The following FMN1 variants were observed in gnomAD, a reference collection of about 807,000 sequenced individuals.
FMN1 encodes the protein formin-1.
In FMN1, 110 loss-of-function variants were observed where a neutral mutation model predicts 132.4. The observed-to-expected ratio is 0.83, with a 90% CI of 0.71 to 0.97. FMN1 has a LOEUF of 0.97. Ranked by LOEUF, FMN1 falls within the 50% of genes least tolerant of loss-of-function variation. FMN1 has a pLI of 0.00. For missense variants in FMN1, 1,792 were observed against 1,705.3 expected (o/e 1.05, Z -0.90); for synonymous variants, 722 against 651.7 (o/e 1.11, Z -1.64).
rs1281757140 is a variant in FMN1, at chr15:32,839,761, G to GA, written c.3928+17253dup. Among the ~76,000 whole-genome samples the GA allele has an allele frequency of 9.2e-3, 1,313 of 142,036 alleles. 13 individuals carry two copies. The highest frequency in any genetic ancestry group is 0.02 in the African/African-American group (774 of 38,974). 93.2% of individuals were successfully genotyped at this position (142,036 alleles called of 152,430 possible). The stretch of plus-strand genomic sequence containing the variant: ...TTCTCCTCAAAATAAGATTAGGCTT[G>GA]AAAAAAAAAAAATCAACCTCCCCAC... On this transcript the variant is annotated intron_variant, in intron 17 of 20. Transcript: ENST00000616417.
chr15:32,869,100 T>C (rs2059457064), intron 16 of FMN1, among the ~76,000 whole-genome samples: 1 of 152,120 alleles, frequency 6.6e-6, no homozygotes, highest in Admixed American at 6.5e-5. Flanking sequence ...TAAGGTGAAA[T>C]GTCATGAATA....
chr15:32,990,587 T>C (rs2033372467), intron 7 of FMN1, among the ~76,000 whole-genome samples: 1 of 152,168 alleles, frequency 6.6e-6, no homozygotes. Context: ...GGATTTCTAA[T>C]GTAAAGGATA....
intron 6 of FMN1, among the ~76,000 whole-genome samples, chr15:33,015,209 AC>A (rs2034970594): frequency 6.6e-6 from 1 of 152,146 alleles, no homozygotes; most frequent in Admixed American, 6.5e-5. Context: ...TGCAAACAAA[AC>A]CCCAAGCCTC....
chr15:33,158,825 C>T (rs1036781848), intron 3 of FMN1, among the ~76,000 whole-genome samples: 1 of 152,108 alleles, frequency 6.6e-6, no homozygotes, highest in African/African-American at 2.4e-5. Context: ...TTTCAGTATT[C>T]CAGAAAGAAG....
At chr15:33,191,464 G>T (rs1376669101) in intron 2 of FMN1, among the ~76,000 whole-genome samples, 2 of 152,188 alleles carry the variant, frequency 1.3e-5, no homozygotes, top group Non-Finnish European at 2.9e-5. Flanking sequence ...CAGTGGGGAG[G>T]TAAGGATGTC....
At chr15:32,888,691 AT>A (rs1222343749) in intron 15 of FMN1, among the ~76,000 whole-genome samples, 1 of 152,218 alleles carries the variant, frequency 6.6e-6, no homozygotes, top group African/African-American at 2.4e-5. Flanking sequence ...TCTTTGGGGC[AT>A]ACCAATGGGT....
At chr15:33,072,846 C>A (rs1391871338) in intron 5 of FMN1, among the ~76,000 whole-genome samples, 1 of 151,592 alleles carries the variant, frequency 6.6e-6, no homozygotes, top group African/African-American at 2.4e-5. Flanking sequence ...TCACTTGAAC[C>A]CATGAGGTGG....
chr15:32,932,358 G>A (rs2061143230), intron 9 of FMN1, among the ~76,000 whole-genome samples: 1 of 152,160 alleles, frequency 6.6e-6, no homozygotes, highest in African/African-American at 2.4e-5. Flanking sequence ...CTGATATTGT[G>A]CCACTGCACT....
At position 33,000,525 on chromosome 15, in the gene FMN1, C is replaced by G. The variant is rs555284037; in HGVS notation, c.2223+7489G>C. On this transcript the variant is annotated intron_variant, in intron 7 of 20. Coordinates refer to ENST00000616417, the MANE Select transcript of FMN1 (RefSeq NM_001277313.2). ...AGCATAGTGGCTGACACCTGTAACC[C>G]CAACATTTGGAGAGAGAGGCTGAGG... Among the ~76,000 whole-genome samples, 111 of 151,732 alleles carry G rather than the reference C, an allele frequency of 7.3e-4. 1 individual carries two copies. Among genetic ancestry groups the G allele is most frequent in the African/African-American group, 2.6e-3 (108 of 41,346 alleles).
At chr15:33,172,583 A>G (rs1965370665) in intron 3 of FMN1, among the ~76,000 whole-genome samples, 1 of 152,244 alleles carries the variant, frequency 6.6e-6, no homozygotes, top group Non-Finnish European at 1.5e-5. Flanking sequence ...GGTTTGACAC[A>G]GAGTTGGAAA....
At chr15:32,853,075 C>T (rs145556892) in intron 17 of FMN1, among the ~76,000 whole-genome samples, 1 of 152,104 alleles carries the variant, frequency 6.6e-6, no homozygotes, top group Non-Finnish European at 1.5e-5. Context: ...TATAGCAGGG[C>T]GGTAACAGTA....
In FMN1 at chr15:32,771,968, G is replaced by C. The variant is rs898301816; in HGVS notation, c.*2342C>G. 6.6e-6 allele frequency: 1 copy of C among 152,138 alleles called. No homozygotes were observed. The highest frequency in any genetic ancestry group is 2.4e-5 in the African/African-American group (1 of 41,408). 9.4% of individuals were successfully genotyped at this position (152,138 alleles called of 1,614,324 possible). On this transcript the variant is annotated 3_prime_UTR_variant, in exon 21 of 21. Coordinates refer to ENST00000616417, the MANE Select transcript of FMN1 (RefSeq NM_001277313.2). ...ATGATGCAGGGTTCAGAATAGGTGA[G>C]AATAATGAAGATTCTGCCATGGTGT...
chr15:33,036,574 GCTAAC>G (rs2036202341), intron 6 of FMN1, among the ~76,000 whole-genome samples: 1 of 152,074 alleles, frequency 6.6e-6, no homozygotes, highest in South Asian at 2.1e-4. Flanking sequence ...TGGTTCTGGA[GCTAAC>G]TTCCAGGGTT....
chr15:33,107,459 A>T (rs2039529613), intron 4 of FMN1, among the ~76,000 whole-genome samples: 1 of 152,032 alleles, frequency 6.6e-6, no homozygotes, highest in Admixed American at 6.6e-5. Flanking sequence ...ACATCACTGG[A>T]CTTGATCCCC....
intron 18 of FMN1, among the ~76,000 whole-genome samples, chr15:32,800,760 T>C (rs1282713240): frequency 1.3e-5 from 2 of 152,352 alleles, no homozygotes; most frequent in East Asian, 3.9e-4. Flanking sequence ...ATGCTCTGTC[T>C]GCTTTATCTT....
intron 4 of FMN1, among the ~76,000 whole-genome samples, chr15:33,090,621 C>A (rs903384922): frequency 9.2e-5 from 14 of 151,994 alleles, no homozygotes; most frequent in African/African-American, 2.4e-4. Context: ...TCCTTCATCT[C>A]GGTCAGATCC....
intron 6 of FMN1, among the ~76,000 whole-genome samples, chr15:33,014,722 T>C (rs1331041042): frequency 6.6e-6 from 1 of 152,230 alleles, no homozygotes; most frequent in Non-Finnish European, 1.5e-5. Context: ...CTTCCCTTTA[T>C]GTTGCACAAA....
intron 4 of FMN1, among the ~76,000 whole-genome samples, chr15:33,090,695 G>C (rs1160461376): frequency 6.6e-6 from 1 of 152,078 alleles, no homozygotes; most frequent in South Asian, 2.1e-4. Context: ...CAGTCTTCTG[G>C]CCTTTCATTT....
intron 9 of FMN1, among the ~76,000 whole-genome samples, chr15:32,942,365 A>G (rs1048258985): frequency 6.6e-6 from 1 of 152,252 alleles, no homozygotes; most frequent in Non-Finnish European, 1.5e-5. Context: ...TCTGCCAGAC[A>G]GGCTGAGAAA....
Sources: gnomAD v4.1 joint callset for allele counts (sites outside exome capture counted in the v4.1 genomes callset) on GRCh38, gnomAD v4.1.1 for gene constraint, MANE v1.5 for transcripts, NCBI Gene and HGNC (gene_info 2026-07-23, HGNC 2026-07-21) for gene names.